The following SCN8A variants were observed in gnomAD, a reference collection of about 807,000 sequenced individuals.
The protein encoded by SCN8A is sodium voltage-gated channel alpha subunit 8.
A neutral mutation model predicts 184.1 loss-of-function variants in SCN8A; 30 were observed. That is an observed-to-expected ratio of 0.16 (90% CI 0.12 to 0.22). The LOEUF (loss-of-function observed/expected upper bound fraction) is 0.22, where lower values mean the gene tolerates loss of function less well. Ranked by LOEUF, SCN8A falls within the 10% of genes least tolerant of loss-of-function variation. SCN8A has a pLI of 1.00. For synonymous variants in SCN8A, 852 were observed against 907.0 expected (o/e 0.94, Z 1.09); for missense variants, 1,057 against 2,498.9 (o/e 0.42, Z 12.30).
chr12:51,651,213 TGGCCAGTTTTGG>T (rs1337433517), intron 1 of SCN8A, among the ~76,000 whole-genome samples: 12 of 152,208 alleles, frequency 7.9e-5, no homozygotes, highest in African/African-American at 2.7e-4. Flanking sequence ...ATTTTGTTTA[TGGCCAGTTTTGG>T]GGCCAGTTTA....
rs115326650 is a variant in SCN8A at position 51,808,066 on chromosome 12, G to T, written c.*637G>T. The T allele has an allele frequency of 6.0e-6, 1 of 165,960 alleles. No homozygotes were observed. The highest frequency in any genetic ancestry group is 1.3e-5 in the Non-Finnish European group (1 of 75,182). The allele number at this position is 165,960 out of a possible 1,614,324, so 10.3% of individuals were successfully genotyped here. A position where few individuals can be genotyped will look rare whatever the true frequency, so the allele number is the denominator to read the frequency against. On this transcript the variant is annotated 3_prime_UTR_variant, in exon 27 of 27. Coordinates refer to ENST00000627620, the MANE Select transcript of SCN8A (RefSeq NM_001330260.2). ...TCCAAACATTGTGCTCGTTCAATGC[G>T]TAGAAATGATTTGCATGATGGCATG...
chr12:51,772,395 CA>C lies in SCN8A; in HGVS notation c.3645+1727del, dbSNP rs67083627. On this transcript the variant is annotated intron_variant, in intron 19 of 26. Coordinates refer to ENST00000627620, the MANE Select transcript of SCN8A (RefSeq NM_001330260.2). ...GGGCAACAAGAGCGAAACTCCATCT[CA>C]AAAAAAAAAAAAAATAACAAAATGA... 1.4e-3 allele frequency among the ~76,000 whole-genome samples: 204 copies of C among 141,670 alleles called. 1 individual carries two copies. Among genetic ancestry groups the C allele is most frequent in the East Asian group, 3.3e-3 (16 of 4,836 alleles). The allele number at this position is 141,670 out of a possible 152,430, so 92.9% of individuals were successfully genotyped here. A position where few individuals can be genotyped will look rare whatever the true frequency, so the allele number is the denominator to read the frequency against.
chr12:51,632,859 G>A (rs1354212879), intron 1 of SCN8A, among the ~76,000 whole-genome samples: 1 of 152,156 alleles, frequency 6.6e-6, no homozygotes, highest in Non-Finnish European at 1.5e-5. Context: ...CCTGTAGGAA[G>A]TCTGCCTTCC....
chr12:51,756,941 T>A (rs567352970), intron 14 of SCN8A, among the ~76,000 whole-genome samples: 15 of 152,360 alleles, frequency 9.8e-5, no homozygotes, highest in Admixed American at 8.5e-4. Context: ...TCACCAAACA[T>A]AAATGAATGT....
At chr12:51,713,404 C>G (rs1941914017) in intron 11 of SCN8A, 2 of 874,840 alleles carry the variant, frequency 2.3e-6, no homozygotes, top group African/African-American at 1.6e-5. Flanking sequence ...TTGGGGGTCT[C>G]TCATTACCAC....
chr12:51,721,871 GC>G lies in SCN8A; in HGVS notation c.1965del (p.Gly656AlafsTer27), dbSNP rs1352024223. 1 of 1,602,118 alleles carries G rather than the reference GC, an allele frequency of 6.2e-7. No individual in the cohort carries two copies. ...AACGGCGTGGTGTCCCTCATCGGCG[GC>G]CCCGGCTCCCACATCGGCGGGCGTC... ...DCNGVVSLIGGPGSHIGGRLL... is the reference protein window; with the variant it reads ...DCNGVVSLIGXPGSHIGGRLL... On this transcript the variant is annotated frameshift_variant, in exon 12 of 27. Coordinates refer to ENST00000627620, the MANE Select transcript of SCN8A (RefSeq NM_001330260.2). LOFTEE classifies it high-confidence loss of function.
Position 51,641,749 on chromosome 12 carries a change from C to T in SCN8A, c.-54-21015C>T, listed in dbSNP as rs150702753. Among the ~76,000 whole-genome samples the T allele has an allele frequency of 3.2e-3, 494 of 152,260 alleles. 2 individuals carry two copies. The highest frequency in any genetic ancestry group is 0.011 in the African/African-American group (439 of 41,544). ...AGTGTGTTATAGAAAATCACTGGGGCGGAGAGCAGAAACACTGAATTCCAG... is the reference window on the plus strand; with the variant it reads ...AGTGTGTTATAGAAAATCACTGGGGTGGAGAGCAGAAACACTGAATTCCAG... On this transcript the variant is annotated intron_variant, in intron 1 of 26. Transcript: ENST00000627620.
chr12:51,622,119 T>C (rs1335446837), intron 1 of SCN8A, among the ~76,000 whole-genome samples: 1 of 152,274 alleles, frequency 6.6e-6, no homozygotes, highest in African/African-American at 2.4e-5. Context: ...TTTTTCTCGC[T>C]AACTTGACCT....
rs1218848941 is a variant in SCN8A at position 51,663,182 on chromosome 12, A to G, written c.276+89A>G. 6 of 1,421,048 alleles carry G rather than the reference A, an allele frequency of 4.2e-6. No individual in the cohort carries two copies. In the Admixed American group the frequency reaches 8.0e-5, roughly 19 times the overall value. 88.0% of individuals were successfully genotyped at this position (1,421,048 alleles called of 1,614,324 possible). A position where few individuals can be genotyped will look rare whatever the true frequency, so the allele number is the denominator to read the frequency against. ...GAGAAAGAACTGTGTCTCTTTGCCA[A>G]AGTTTGGATAAGTAGTTAACCTTTT... is the stretch of plus-strand genomic sequence containing the variant. On this transcript the variant is annotated intron_variant, in intron 2 of 26. Transcript: ENST00000627620.
rs1234392517 is a variant in SCN8A, at chr12:51,809,272, AAG to A, written c.*1846_*1847del. ...GAATGTGTCAGGAAGTCTCTATACA[AAG>A]AGTGAAAAGAGACTTTAGCATGTGA... is the stretch of plus-strand genomic sequence containing the variant. On this transcript the variant is annotated 3_prime_UTR_variant, in exon 27 of 27. Transcript: ENST00000627620. 2.0e-5 allele frequency: 3 copies of A among 152,192 alleles called. No homozygotes were observed. Among genetic ancestry groups the A allele is most frequent in the Non-Finnish European group, 4.4e-5 (3 of 68,038 alleles). 9.4% of individuals were successfully genotyped at this position (152,192 alleles called of 1,614,324 possible).
chr12:51,726,618 A>G (rs1592409644), intron 12 of SCN8A, among the ~76,000 whole-genome samples: 1 of 152,198 alleles, frequency 6.6e-6, no homozygotes, highest in Non-Finnish European at 1.5e-5. Flanking sequence ...AAGAGATAAA[A>G]GGACCTCTGT....
rs373740663 is a variant in SCN8A at position 51,634,655 on chromosome 12, TA to T, written c.-54-28108del. On this transcript the variant is annotated intron_variant, in intron 1 of 26. Coordinates refer to ENST00000627620, the MANE Select transcript of SCN8A (RefSeq NM_001330260.2). ...TACGTATTATTATTATTATTATTAT[TA>T]TTTTTTTTTTTTGAGACTGAGTCTT... Among the ~76,000 whole-genome samples the T allele has an allele frequency of 1.2e-3, 58 of 49,224 alleles. No homozygotes were observed. The East Asian group carries it at 0.012, about 10-fold the overall frequency. The allele number at this position is 49,224 out of a possible 152,430, so 32.3% of individuals were successfully genotyped here.
At chr12:51,784,743 A>T (rs540767145) in intron 21 of SCN8A, among the ~76,000 whole-genome samples, 30 of 152,310 alleles carry the variant, frequency 2.0e-4, no homozygotes, top group African/African-American at 7.2e-4. Context: ...TGAGAATAAA[A>T]GTTCAAAGAG....
chr12:51,685,771 T>C (rs1292599340), intron 3 of SCN8A, among the ~76,000 whole-genome samples: 5 of 152,150 alleles, frequency 3.3e-5, no homozygotes, highest in Admixed American at 3.3e-4. Context: ...GTATGATGGC[T>C]CAGGCCTGTA....
At chr12:51,733,925 T>A (rs947458703) in intron 12 of SCN8A, among the ~76,000 whole-genome samples, 1 of 152,204 alleles carries the variant, frequency 6.6e-6, no homozygotes, top group East Asian at 1.9e-4. Context: ...GTTTCCCTTT[T>A]CATTTCTGAT....
At chr12:51,754,175 T>C (rs1942637599) in intron 14 of SCN8A, among the ~76,000 whole-genome samples, 1 of 152,190 alleles carries the variant, frequency 6.6e-6, no homozygotes, top group Non-Finnish European at 1.5e-5. Flanking sequence ...GTGTGACTTA[T>C]ACAGCCTCTA....
At chr12:51,698,813 A>G (rs1346902603) in intron 6 of SCN8A, among the ~76,000 whole-genome samples, 6 of 152,238 alleles carry the variant, frequency 3.9e-5, no homozygotes, top group African/African-American at 1.2e-4. Context: ...GATTAATAAT[A>G]ACCTTTTCAA....
chr12:51,727,011 T>C (rs1410148133), intron 12 of SCN8A, among the ~76,000 whole-genome samples: 1 of 152,256 alleles, frequency 6.6e-6, no homozygotes, highest in Non-Finnish European at 1.5e-5. Context: ...CGTCCAGTTA[T>C]GTATTTCCAT....
chr12:51,598,266 A>G (rs1351985705), intron 1 of SCN8A, among the ~76,000 whole-genome samples: 2 of 152,090 alleles, frequency 1.3e-5, no homozygotes, highest in Non-Finnish European at 2.9e-5. Context: ...AACGTGGGGA[A>G]CTGCTCATAT....
Sources: gnomAD v4.1 joint callset for allele counts (sites outside exome capture counted in the v4.1 genomes callset) on GRCh38, gnomAD v4.1.1 for gene constraint, MANE v1.5 for transcripts, NCBI Gene and HGNC (gene_info 2026-07-23, HGNC 2026-07-21) for gene names.